SPRED1: variants seen among roughly 807,000 people sequenced by gnomAD.
SPRED1 encodes sprouty related EVH1 domain containing 1.
SPRED1 carries 18 observed loss-of-function variants against 52.3 expected under a neutral mutation model. That is an observed-to-expected ratio of 0.34 (90% CI 0.24 to 0.51). SPRED1 has a LOEUF of 0.51. Among genes scored for constraint, SPRED1 ranks in the 20% least tolerant of loss-of-function variants. The pLI is 0.97. For synonymous variants in SPRED1, 155 were observed against 179.7 expected (o/e 0.86, Z 1.10); for missense variants, 485 against 551.0 (o/e 0.88, Z 1.20).
In SPRED1 at chr15:38,352,412, T is replaced by C. The variant is rs1888510249; in HGVS notation, c.*748T>C. On this transcript the variant is annotated 3_prime_UTR_variant, in exon 7 of 7. Transcript: ENST00000299084. ...GTACATTCTGGTAATCTAAAATCCT[T>C]AAAAATACTCTAATAGCCTTGAGTG... The C allele has an allele frequency of 1.3e-5, 2 of 152,512 alleles. No individual in the cohort carries two copies. Among genetic ancestry groups the C allele is most frequent in the South Asian group, 4.1e-4 (2 of 4,830 alleles). The allele number at this position is 152,512 out of a possible 1,614,324, so 9.4% of individuals were successfully genotyped here. A position where few individuals can be genotyped will look rare whatever the true frequency, so the allele number is the denominator to read the frequency against.
intron 1 of SPRED1, among the ~76,000 whole-genome samples, chr15:38,256,291 CAG>C (rs1040694215): frequency 6.6e-6 from 1 of 152,074 alleles, no homozygotes; most frequent in Non-Finnish European, 1.5e-5. Context: ...GTAATTTGCA[CAG>C]AGACTGTTTA....
chr15:38,337,011 A>C (rs12916263), intron 4 of SPRED1, among the ~76,000 whole-genome samples: 18,503 of 152,058 alleles, frequency 0.12, 1,940 homozygotes, highest in East Asian at 0.54. Flanking sequence ...CCATTTTAGT[A>C]CTCTTTTTTT....
At chr15:38,258,703 T>G (rs1894149990) in intron 1 of SPRED1, among the ~76,000 whole-genome samples, 1 of 152,206 alleles carries the variant, frequency 6.6e-6, no homozygotes, top group Non-Finnish European at 1.5e-5. Flanking sequence ...TTTAAATGCT[T>G]TATGGTAAAA....
At chr15:38,297,007 A>G (rs767003017) in intron 1 of SPRED1, among the ~76,000 whole-genome samples, 2 of 152,160 alleles carry the variant, frequency 1.3e-5, no homozygotes, top group Admixed American at 6.5e-5. Flanking sequence ...CAGAGGTCAC[A>G]GCATTCAAGG....
chr15:38,333,560 G>T (rs866061670), intron 4 of SPRED1, among the ~76,000 whole-genome samples: 7 of 152,104 alleles, frequency 4.6e-5, no homozygotes, highest in Middle Eastern at 3.4e-3. Context: ...TTAATAAGAT[G>T]GATCCATTAT....
chr15:38,340,635 C>T (rs7164229), intron 5 of SPRED1, among the ~76,000 whole-genome samples: 125,031 of 151,838 alleles, frequency 0.82, 52,293 homozygotes, highest in Non-Finnish European at 0.9. Context: ...TGGGTTCAAG[C>T]GATTCTCCTG....
At chr15:38,313,418 A>G (rs1446874419) in intron 2 of SPRED1, among the ~76,000 whole-genome samples, 1 of 151,918 alleles carries the variant, frequency 6.6e-6, no homozygotes. Flanking sequence ...ATGTTTCCCC[A>G]TGATTAGATT....
At chr15:38,294,238 G>A (rs901430059) in intron 1 of SPRED1, among the ~76,000 whole-genome samples, 3 of 152,088 alleles carry the variant, frequency 2.0e-5, no homozygotes, top group African/African-American at 7.2e-5. Flanking sequence ...TATATAGAGA[G>A]CAAAGGGTGT....
At chr15:38,328,382 A>G (rs966640310) in intron 4 of SPRED1, among the ~76,000 whole-genome samples, 4 of 152,158 alleles carry the variant, frequency 2.6e-5, no homozygotes, top group East Asian at 3.9e-4. Context: ...ACTGCTAGAC[A>G]TTTCCTTCAT....
At position 38,324,770 on chromosome 15, in the gene SPRED1, C is replaced by T. The variant is rs761058615; in HGVS notation, c.384C>T (p.Pro128=). The change falls in exon 4 of 7, where the codon CCC becomes CCT. Residue 128 remains proline, a synonymous_variant. Transcript: ENST00000299084. The stretch of plus-strand genomic sequence containing the variant: ...TTTTATCTATTTTCTTAGGATGCCC[C>T]GAATCAAAAAATGAAGCTGAAGGGG... ...RAIEDISQGC[P]ESKNEAEGAD... 1.6e-5 allele frequency: 25 copies of T among 1,608,756 alleles called. No homozygotes were observed. Among genetic ancestry groups the T allele is most frequent in the South Asian group, 4.4e-5 (4 of 90,038 alleles).
At chr15:38,282,857 C>G (rs1894719427) in intron 1 of SPRED1, among the ~76,000 whole-genome samples, 1 of 151,824 alleles carries the variant, frequency 6.6e-6, no homozygotes, top group South Asian at 2.1e-4. Context: ...AAGTCCCTCG[C>G]TGTCATGCGT....
chr15:38,289,073 G>A (rs1176510817), intron 1 of SPRED1, among the ~76,000 whole-genome samples: 5 of 152,090 alleles, frequency 3.3e-5, no homozygotes, highest in Admixed American at 2.0e-4. Context: ...GGGAATCTGT[G>A]TTTTTAGTTA....
rs1888489844 is a variant in SPRED1 at position 38,351,558 on chromosome 15, T to C, written c.1229T>C (p.Leu410Ser). The C allele has an allele frequency of 6.2e-7, 1 of 1,614,026 alleles. No homozygotes were observed. Among genetic ancestry groups the C allele is most frequent in the Admixed American group, 1.7e-5 (1 of 59,996 alleles). Residue 410 changes from leucine to serine, a missense_variant, in exon 7 of 7, where the codon TTG becomes TCG. By Grantham distance (145) the Leu-to-Ser change is moderately radical (BLOSUM62 -2). This residue lies in a region of SPRED1 where 205 missense variants were observed against 245.2 expected (regional missense o/e 0.84). Transcript: ENST00000299084. ...TTGCGATGGTTAGCCCTGGTAGCTTTGTCTTTCATTGTACCATGTATGTGC... is the reference window on the plus strand; with the variant it reads ...TTGCGATGGTTAGCCCTGGTAGCTTCGTCTTTCATTGTACCATGTATGTGC... ...FCLRWLALVA[L>S]SFIVPCMCCY...
At position 38,339,843 on chromosome 15, in the gene SPRED1, C is replaced by A; in HGVS notation, c.530C>A (p.Pro177His). The change falls in exon 5 of 7, where the codon CCC (proline) becomes CAC (histidine). Residue 177 changes from proline (P) to histidine (H), a missense_variant. Pro to His is a moderately conservative substitution (Grantham distance 77). Transcript: ENST00000299084. Reference sequence around the variant, plus strand: ...AGAAGCTCAAATATAAGACCTTCTCCCTTTGAAGATCTGAATGCCAGAAGA... The same window carrying A: ...AGAAGCTCAAATATAAGACCTTCTCACTTTGAAGATCTGAATGCCAGAAGA... Reference protein sequence around the residue: ...PYRSSNIRPSPFEDLNARRVY... With the variant: ...PYRSSNIRPSHFEDLNARRVY... The A allele has an allele frequency of 6.2e-7, 1 of 1,613,862 alleles. No individual in the cohort carries two copies. The highest frequency in any genetic ancestry group is 1.1e-5 in the South Asian group (1 of 91,074).
At chr15:38,281,526 A>G (rs892677458) in intron 1 of SPRED1, among the ~76,000 whole-genome samples, 95 of 151,118 alleles carry the variant, frequency 6.3e-4, no homozygotes, top group African/African-American at 2.2e-3. Context: ...TCTAGTAGCT[A>G]AGACTATAGG....
At chr15:38,269,822 AATTTT>A (rs1463432359) in intron 1 of SPRED1, among the ~76,000 whole-genome samples, 1 of 151,960 alleles carries the variant, frequency 6.6e-6, no homozygotes, top group Non-Finnish European at 1.5e-5. Flanking sequence ...TTAAATTTTA[AATTTT>A]ATTTAATTTA....
chr15:38,301,158 G>C (rs1895142111), intron 2 of SPRED1, among the ~76,000 whole-genome samples: 1 of 152,054 alleles, frequency 6.6e-6, no homozygotes, highest in African/African-American at 2.4e-5. Flanking sequence ...GGATAATAAG[G>C]GACCAAATCT....
intron 4 of SPRED1, among the ~76,000 whole-genome samples, chr15:38,327,143 A>G (rs1052169008): frequency 2.0e-5 from 3 of 152,186 alleles, no homozygotes; most frequent in African/African-American, 7.2e-5. Flanking sequence ...GGAACTACCT[A>G]CACCCAGGAA....
intron 2 of SPRED1, among the ~76,000 whole-genome samples, chr15:38,305,882 T>C (rs1246914808): frequency 6.6e-6 from 1 of 152,196 alleles, no homozygotes; most frequent in African/African-American, 2.4e-5. Flanking sequence ...ACTTAGGAAT[T>C]ATCAGTGATC....
Sources: allele counts gnomAD v4.1 joint callset (sites outside exome capture counted in the v4.1 genomes callset), GRCh38; gene constraint gnomAD v4.1.1; regional missense constraint gnomAD v4.1.1; transcripts MANE v1.5; gene names NCBI Gene and HGNC (gene_info 2026-07-23, HGNC 2026-07-21).